Variants in SORCS1 observed in about 807,000 individuals in gnomAD.
The protein encoded by SORCS1 is VPS10 domain-containing receptor SorCS1.
SORCS1 carries 60 observed loss-of-function variants against 146.1 expected under a neutral mutation model. That is an observed-to-expected ratio of 0.41 (90% CI 0.33 to 0.51). The LOEUF is 0.51. Among genes scored for constraint, SORCS1 ranks in the 20% least tolerant of loss-of-function variants. SORCS1 has a pLI of 0.21. For missense variants in SORCS1, 1,352 were observed against 1,487.6 expected (o/e 0.91, Z 1.50); for synonymous variants, 637 against 584.0 (o/e 1.09, Z -1.31).
At chr10:106,595,973 T>C (rs1286493623) in intron 24 of SORCS1, among the ~76,000 whole-genome samples, 1 of 152,226 alleles carries the variant, frequency 6.6e-6, no homozygotes. Context: ...AAAGCTATGT[T>C]TCAGACACTA....
At chr10:106,771,230 TA>T (rs1415654723) in intron 4 of SORCS1, among the ~76,000 whole-genome samples, 6 of 150,688 alleles carry the variant, frequency 4.0e-5, no homozygotes, top group African/African-American at 1.5e-4. Flanking sequence ...TTTTTTTTTT[TA>T]AATTTCCTTA....
chr10:107,007,690 C>T (rs538585469), intron 1 of SORCS1, among the ~76,000 whole-genome samples: 10 of 152,320 alleles, frequency 6.6e-5, no homozygotes, highest in African/African-American at 2.4e-4. Flanking sequence ...CTGGATGAAT[C>T]TTTAGAAAAC....
At chr10:107,050,496 C>T (rs2134045946) in intron 1 of SORCS1, among the ~76,000 whole-genome samples, 1 of 152,230 alleles carries the variant, frequency 6.6e-6, no homozygotes, top group East Asian at 1.9e-4. Flanking sequence ...AATAGAAACC[C>T]CAGTGAGAAT....
rs375654228 is a variant in SORCS1, at chr10:106,575,354, T to A, written c.*2066A>T. 1 of 152,260 alleles carries A rather than the reference T, an allele frequency of 6.6e-6. No homozygotes were observed. The highest frequency in any genetic ancestry group is 1.5e-5 in the Non-Finnish European group (1 of 68,070). The allele number at this position is 152,260 out of a possible 1,614,324, so 9.4% of individuals were successfully genotyped here. On this transcript the variant is annotated 3_prime_UTR_variant, in exon 26 of 26. Transcript: ENST00000263054. ...CTATTCTTTCTGTGCCTGAACTACA[T>A]GAAGTCATGGACATCAGGATCTTTA... is the stretch of plus-strand genomic sequence containing the variant.
intron 3 of SORCS1, among the ~76,000 whole-genome samples, chr10:106,811,798 G>A (rs12257873): frequency 0.026 from 4,012 of 152,208 alleles, 67 homozygotes; most frequent in East Asian, 0.059. Context: ...AAATAATTGT[G>A]GCCCTAAGGA....
chr10:106,729,038 T>C (rs112575666), intron 6 of SORCS1, among the ~76,000 whole-genome samples: 2,463 of 152,262 alleles, frequency 0.016, 72 homozygotes, highest in African/African-American at 0.057. Flanking sequence ...GCGGTACCCC[T>C]GCAAATGCTT....
At chr10:106,825,424 A>T (rs554952021) in intron 3 of SORCS1, among the ~76,000 whole-genome samples, 2 of 152,032 alleles carry the variant, frequency 1.3e-5, no homozygotes, top group East Asian at 3.9e-4. Flanking sequence ...GGCACCCGCC[A>T]CCACGCCTGG....
intron 6 of SORCS1, among the ~76,000 whole-genome samples, chr10:106,711,950 C>T (rs895221534): frequency 3.9e-5 from 6 of 152,220 alleles, no homozygotes; most frequent in East Asian, 1.9e-4. Flanking sequence ...AGATTTATGA[C>T]GATAAGAACT....
chr10:107,157,681 C>A (rs1969397407), intron 1 of SORCS1, among the ~76,000 whole-genome samples: 4 of 152,202 alleles, frequency 2.6e-5, no homozygotes, highest in African/African-American at 9.7e-5. Context: ...TATCTACATT[C>A]TAGGATAAGC....
chr10:106,592,524 A>G (rs1000785003), intron 24 of SORCS1, among the ~76,000 whole-genome samples: 6 of 152,200 alleles, frequency 3.9e-5, no homozygotes, highest in African/African-American at 1.2e-4. Flanking sequence ...CACCAACAAC[A>G]TACTCTGGCT....
intron 4 of SORCS1, among the ~76,000 whole-genome samples, chr10:106,766,658 G>A (rs138631736): frequency 1.3e-5 from 2 of 152,168 alleles, no homozygotes; most frequent in African/African-American, 4.8e-5. Context: ...GTTCCGTACA[G>A]AGAGCAGATA....
At chr10:107,169,565 A>G (rs1040343075), upstream of SORCS1, among the ~76,000 whole-genome samples, 2 of 152,144 alleles carry the variant, frequency 1.3e-5, no homozygotes, top group African/African-American at 4.8e-5. Flanking sequence ...TCTACCTTGG[A>G]CACCCGTTGG....
Position 106,646,462 on chromosome 10 carries a change from A to G in SORCS1, c.2475+5920T>C, listed in dbSNP as rs1450335852. Among the ~76,000 whole-genome samples, 6 of 151,852 alleles carry G rather than the reference A, an allele frequency of 4.0e-5. No homozygotes were observed. The East Asian group carries it at 1.2e-3, about 30-fold the overall frequency. On this transcript the variant is annotated intron_variant, in intron 18 of 25. Coordinates refer to ENST00000263054, the MANE Select transcript of SORCS1 (RefSeq NM_052918.5). ...TGTTATCCCAGCACTTTGGGAGGCCAAGGTGGGAGGATCACTTGAGTTTAG... is the reference window on the plus strand; with the variant it reads ...TGTTATCCCAGCACTTTGGGAGGCCGAGGTGGGAGGATCACTTGAGTTTAG...
intron 1 of SORCS1, among the ~76,000 whole-genome samples, chr10:106,966,481 T>C (rs1356711985): frequency 9.9e-5 from 15 of 152,204 alleles, no homozygotes; most frequent in Admixed American, 9.8e-4. Flanking sequence ...AGCCCACACA[T>C]AATTTAATGT....
At position 106,722,201 on chromosome 10, in the gene SORCS1, ATTG is replaced by A. The variant is rs531576021; in HGVS notation, c.1024+7846_1024+7848del. On this transcript the variant is annotated intron_variant, in intron 6 of 25. Transcript: ENST00000263054. The stretch of plus-strand genomic sequence containing the variant: ...AGTTTATATATATATATACCTTTTT[ATTG>A]TTATCATTGCTATTTTTGTTGGTAT... Among the ~76,000 whole-genome samples, 40 of 151,632 alleles carry A rather than the reference ATTG, an allele frequency of 2.6e-4. No homozygotes were observed. The South Asian group carries it at 8.1e-3, about 31-fold the overall frequency.
rs1200849744 is a variant in SORCS1, at chr10:106,878,646, A to ATATATATATATATATATATATATT, written c.627-48974_627-48973insAATATATATATATATATATATATA. On this transcript the variant is annotated intron_variant, in intron 2 of 25. Transcript: ENST00000263054. ...TATATATATATATATATATATATATATATTTTATAGCAGCCTGAATGGACT... is the reference window on the plus strand; with the variant it reads ...TATATATATATATATATATATATATATATATATATATATATATATATATTTATTTTATAGCAGCCTGAATGGACT... 8.3e-3 allele frequency among the ~76,000 whole-genome samples: 981 copies of ATATATATATATATATATATATATT among 117,624 alleles called. 63 individuals are homozygous for ATATATATATATATATATATATATT. Among genetic ancestry groups the ATATATATATATATATATATATATT allele is most frequent in the Non-Finnish European group, 0.015 (797 of 53,250 alleles). 77.2% of individuals were successfully genotyped at this position (117,624 alleles called of 152,430 possible). A position where few individuals can be genotyped will look rare whatever the true frequency, so the allele number is the denominator to read the frequency against.
intron 2 of SORCS1, among the ~76,000 whole-genome samples, chr10:106,921,930 G>A (rs577088981): frequency 6.6e-6 from 1 of 152,272 alleles, no homozygotes; most frequent in South Asian, 2.1e-4. Context: ...TCCCATAAGG[G>A]AAATCTAAGA....
intron 1 of SORCS1, among the ~76,000 whole-genome samples, chr10:106,984,037 TG>T (rs1956347762): frequency 6.6e-6 from 1 of 152,208 alleles, no homozygotes; most frequent in Non-Finnish European, 1.5e-5. Flanking sequence ...CAGGAACTAA[TG>T]GCTTTTACCA....
At chr10:107,006,118 T>C (rs1209733812) in intron 1 of SORCS1, among the ~76,000 whole-genome samples, 1 of 152,210 alleles carries the variant, frequency 6.6e-6, no homozygotes, top group Non-Finnish European at 1.5e-5. Flanking sequence ...ATTTGAAGAC[T>C]GAACTCTCAT....
Sources: gnomAD v4.1 joint callset for allele counts (sites outside exome capture counted in the v4.1 genomes callset) on GRCh38, gnomAD v4.1.1 for gene constraint, MANE v1.5 for transcripts, NCBI Gene and HGNC (gene_info 2026-07-23, HGNC 2026-07-21) for gene names.